ME1: variants seen among roughly 807,000 people sequenced by gnomAD.
ME1 encodes malic enzyme 1, also known as NADP-dependent malic enzyme.
A neutral mutation model predicts 66.4 loss-of-function variants in ME1; 74 were observed. The observed-to-expected ratio is 1.11, with a 90% CI of 0.92 to 1.35. The LOEUF (loss-of-function observed/expected upper bound fraction) is 1.35. Ranked by LOEUF, ME1 falls within the 40% of genes most tolerant of loss-of-function variation. ME1 has a pLI of 0.00. For synonymous variants in ME1, 251 were observed against 235.6 expected, an observed-to-expected ratio of 1.07 and a Z score of -0.60; for missense variants, 750 against 694.1, an observed-to-expected ratio of 1.08 and a Z score of -0.90.
rs547612666 is a variant in ME1, at chr6:83,419,786, A to G, written c.78+11091T>C. ...TGCTTCTGGCAGCTCTGGCTATGGT[A>G]GAGACTGCTAATTGCCTACGACAAC... On this transcript the variant is annotated intron_variant, in intron 1 of 13. Transcript: ENST00000369705. 9.0e-4 allele frequency among the ~76,000 whole-genome samples: 137 copies of G among 152,324 alleles called. No individual in the cohort carries two copies. In the Middle Eastern group the frequency reaches 0.017, roughly 19 times the overall value.
intron 5 of ME1, among the ~76,000 whole-genome samples, chr6:83,328,110 T>C (rs542838590): frequency 6.6e-6 from 1 of 152,292 alleles, no homozygotes; most frequent in South Asian, 2.1e-4. Flanking sequence ...ATGTGGCACA[T>C]ATACACCATG....
At chr6:83,392,116 C>T (rs1404777975) in intron 3 of ME1, among the ~76,000 whole-genome samples, 1 of 152,238 alleles carries the variant, frequency 6.6e-6, no homozygotes, top group African/African-American at 2.4e-5. Flanking sequence ...GCTCTCTGCT[C>T]CTCCCATTCA....
At chr6:83,284,553 A>T (rs1176228053) in intron 6 of ME1, among the ~76,000 whole-genome samples, 1 of 152,188 alleles carries the variant, frequency 6.6e-6, no homozygotes, top group Non-Finnish European at 1.5e-5. Flanking sequence ...ATCATGATCA[A>T]GAAGGATTTA....
intron 5 of ME1, among the ~76,000 whole-genome samples, chr6:83,317,016 A>G (rs1768048596): frequency 6.6e-6 from 1 of 152,186 alleles, no homozygotes; most frequent in Admixed American, 6.6e-5. Flanking sequence ...AAATTGAAAT[A>G]ATGAATTTGT....
At chr6:83,213,385 T>C (rs1366370060) in intron 13 of ME1, among the ~76,000 whole-genome samples, 1 of 150,928 alleles carries the variant, frequency 6.6e-6, no homozygotes, top group African/African-American at 2.4e-5. Context: ...GATCACACCA[T>C]TGTACTCTAG....
rs1348574922 is a variant in ME1, at chr6:83,425,024, T to C, written c.78+5853A>G. 4.6e-5 allele frequency among the ~76,000 whole-genome samples: 7 copies of C among 152,210 alleles called. No individual in the cohort carries two copies. The East Asian group carries it at 1.3e-3, about 29-fold the overall frequency. ...TTTTGTTTTGTTTTGCTTTGTTTTG[T>C]TTTTCTGAGACAAGGTCTCAATCTG... On this transcript the variant is annotated intron_variant, in intron 1 of 13. Transcript: ENST00000369705.
intron 3 of ME1, among the ~76,000 whole-genome samples, chr6:83,380,267 T>C (rs1207215673): frequency 6.6e-6 from 1 of 151,810 alleles, no homozygotes; most frequent in Admixed American, 6.6e-5. Context: ...GTGGGAGGAA[T>C]AGGAAAGAGA....
chr6:83,241,750 T>C (rs1790513552), intron 7 of ME1, among the ~76,000 whole-genome samples: 1 of 152,214 alleles, frequency 6.6e-6, no homozygotes, highest in East Asian at 1.9e-4. Flanking sequence ...TGTAAATTTT[T>C]ACAATAAATT....
chr6:83,396,536 A>C (rs1156834583), intron 3 of ME1, among the ~76,000 whole-genome samples: 1 of 152,082 alleles, frequency 6.6e-6, no homozygotes, highest in Non-Finnish European at 1.5e-5. Flanking sequence ...TGTTAAAATG[A>C]CCACACTACC....
intron 6 of ME1, among the ~76,000 whole-genome samples, chr6:83,274,084 T>C (rs1767133000): frequency 6.6e-6 from 1 of 152,212 alleles, no homozygotes; most frequent in Admixed American, 6.5e-5. Flanking sequence ...TCAAATATTG[T>C]CACCTAATGC....
At chr6:83,409,706 G>A (rs1311255373) in intron 1 of ME1, among the ~76,000 whole-genome samples, 11 of 152,192 alleles carry the variant, frequency 7.2e-5, no homozygotes, top group Admixed American at 6.5e-4. Flanking sequence ...GCAAGAGCGG[G>A]CTGGGACCAA....
At chr6:83,369,641 G>C (rs918459382) in intron 3 of ME1, among the ~76,000 whole-genome samples, 8 of 145,978 alleles carry the variant, frequency 5.5e-5, no homozygotes, top group South Asian at 2.1e-4. Context: ...GAAAAGAAAA[G>C]AGAGACAGAG....
chr6:83,311,890 C>G (rs1450817299), intron 6 of ME1, among the ~76,000 whole-genome samples: 1 of 151,986 alleles, frequency 6.6e-6, no homozygotes, highest in Non-Finnish European at 1.5e-5. Flanking sequence ...TCCCTAGAGG[C>G]AAAACGGAGA....
chr6:83,307,029 G>C (rs1405362890), intron 6 of ME1, among the ~76,000 whole-genome samples: 4 of 152,102 alleles, frequency 2.6e-5, no homozygotes, highest in Non-Finnish European at 5.9e-5. Flanking sequence ...CAGTAAACTT[G>C]ACTTGCTAAA....
At chr6:83,305,065 A>G (rs1210604724) in intron 6 of ME1, among the ~76,000 whole-genome samples, 3 of 152,184 alleles carry the variant, frequency 2.0e-5, no homozygotes, top group Non-Finnish European at 2.9e-5. Flanking sequence ...TAGTAATTCA[A>G]TAAAAATAAG....
intron 9 of ME1, 93 bp from the exon 10 acceptor site, chr6:83,229,024 C>T (rs1790251132): frequency 2.6e-6 from 2 of 777,678 alleles, no homozygotes; most frequent in East Asian, 2.5e-5. Flanking sequence ...TTATGCTTAA[C>T]ATTTTTATGT....
At chr6:83,362,546 C>T (rs796247328) in intron 3 of ME1, among the ~76,000 whole-genome samples, 5 of 152,314 alleles carry the variant, frequency 3.3e-5, no homozygotes, top group African/African-American at 9.6e-5. Flanking sequence ...CTTCCGCTCA[C>T]CAAGGCTGAC....
At chr6:83,303,462 C>T (rs1316537170) in intron 6 of ME1, among the ~76,000 whole-genome samples, 1 of 152,118 alleles carries the variant, frequency 6.6e-6, no homozygotes, top group African/African-American at 2.4e-5. Flanking sequence ...GTCTCTTGAG[C>T]TCTTTATGAA....
chr6:83,332,211 C>T (rs1171122611), intron 5 of ME1, among the ~76,000 whole-genome samples: 2 of 151,928 alleles, frequency 1.3e-5, no homozygotes, highest in Non-Finnish European at 2.9e-5. Context: ...TATTTTCCAT[C>T]TAAACAAAAT....
Sources: allele counts gnomAD v4.1 joint callset (sites outside exome capture counted in the v4.1 genomes callset), GRCh38; gene constraint gnomAD v4.1.1; transcripts MANE v1.5; gene names NCBI Gene and HGNC (gene_info 2026-07-23, HGNC 2026-07-21).